NKAIN3: variants seen among roughly 807,000 people sequenced by gnomAD.
NKAIN3 encodes sodium/potassium transporting ATPase interacting 3, also known as sodium/potassium-transporting ATPase subunit beta-1-interacting protein 3.
A neutral mutation model predicts 30.2 loss-of-function variants in NKAIN3; 25 were observed. The ratio of observed to expected loss-of-function variants is 0.83; its 90% CI spans 0.60 to 1.16. NKAIN3 has a LOEUF of 1.16. NKAIN3 is among the 50% of genes most tolerant of loss of function. NKAIN3 has a pLI of 0.00. For synonymous variants in NKAIN3, 91 were observed against 89.6 expected, an observed-to-expected ratio of 1.02 and a Z score of -0.09; for missense variants, 225 against 254.1, an observed-to-expected ratio of 0.89 and a Z score of 0.78.
intron 1 of NKAIN3, among the ~76,000 whole-genome samples, chr8:62,373,576 C>T (rs1295077748): frequency 6.6e-6 from 1 of 152,118 alleles, no homozygotes; most frequent in Admixed American, 6.5e-5. Flanking sequence ...TTCAGATTTA[C>T]AGTTTAGGTC....
chr8:62,943,189 GA>G (rs923964658), intron 5 of NKAIN3, among the ~76,000 whole-genome samples: 3 of 151,580 alleles, frequency 2.0e-5, no homozygotes, highest in Admixed American at 6.6e-5. Flanking sequence ...TAATCCGCAG[GA>G]AAAAAACAAA....
At chr8:62,521,231 G>A (rs1181998142) in intron 1 of NKAIN3, among the ~76,000 whole-genome samples, 2 of 151,976 alleles carry the variant, frequency 1.3e-5, no homozygotes, top group Non-Finnish European at 2.9e-5. Context: ...CTGCTGTGAC[G>A]CTCTGATTCT....
At chr8:62,469,683 C>T (rs983746847) in intron 1 of NKAIN3, among the ~76,000 whole-genome samples, 70 of 152,102 alleles carry the variant, frequency 4.6e-4, no homozygotes, top group Admixed American at 2.0e-4. Flanking sequence ...AGGCATGGTC[C>T]CTTCCATCCA....
chr8:62,416,161 G>A (rs1297900409), intron 1 of NKAIN3, among the ~76,000 whole-genome samples: 1 of 152,042 alleles, frequency 6.6e-6, no homozygotes, highest in East Asian at 1.9e-4. Flanking sequence ...AAAATTTGGG[G>A]GCTCATAAAG....
intron 3 of NKAIN3, among the ~76,000 whole-genome samples, chr8:62,711,202 T>C (rs778932692): frequency 1.3e-5 from 2 of 152,198 alleles, no homozygotes; most frequent in Non-Finnish European, 2.9e-5. Flanking sequence ...GATAACCTGA[T>C]GACAATGTGC....
At chr8:62,281,726 T>G (rs1813201674) in intron 1 of NKAIN3, among the ~76,000 whole-genome samples, 1 of 152,194 alleles carries the variant, frequency 6.6e-6, no homozygotes, top group Non-Finnish European at 1.5e-5. Context: ...TTATGGTGGT[T>G]GTTTAGATAT....
chr8:62,840,264 G>T (rs1344666561), intron 4 of NKAIN3, among the ~76,000 whole-genome samples: 1 of 151,668 alleles, frequency 6.6e-6, no homozygotes, highest in Non-Finnish European at 1.5e-5. Flanking sequence ...TTAGTGACCT[G>T]GTCATGTACT....
intron 1 of NKAIN3, among the ~76,000 whole-genome samples, chr8:62,386,635 T>G (rs1397617493): frequency 1.3e-5 from 2 of 152,196 alleles, no homozygotes; most frequent in African/African-American, 4.8e-5. Flanking sequence ...ATAAGGTTAT[T>G]AGGGATAAAG....
chr8:62,857,703 C>T (rs1586276203), intron 4 of NKAIN3, among the ~76,000 whole-genome samples: 1 of 152,102 alleles, frequency 6.6e-6, no homozygotes, highest in Non-Finnish European at 1.5e-5. Context: ...TATCATGTTC[C>T]TCTCTAAACT....
intron 3 of NKAIN3, among the ~76,000 whole-genome samples, chr8:62,647,520 G>C (rs1411898204): frequency 6.6e-6 from 1 of 152,102 alleles, no homozygotes; most frequent in Non-Finnish European, 1.5e-5. Context: ...AGGGATCTCC[G>C]ACCTTAACTA....
chr8:62,307,695 A>G (rs1935162300), intron 1 of NKAIN3, among the ~76,000 whole-genome samples: 1 of 150,780 alleles, frequency 6.6e-6, no homozygotes, highest in Non-Finnish European at 1.5e-5. Flanking sequence ...GTTTGTATCT[A>G]CAAAGTTATA....
At chr8:62,758,254 C>T (rs1300958483) in intron 4 of NKAIN3, among the ~76,000 whole-genome samples, 2 of 152,064 alleles carry the variant, frequency 1.3e-5, no homozygotes, top group Admixed American at 1.3e-4. Flanking sequence ...GGAAACACGA[C>T]AACTAAATAA....
intron 1 of NKAIN3, among the ~76,000 whole-genome samples, chr8:62,422,091 A>G (rs554441828): frequency 6.8e-4 from 104 of 152,300 alleles, no homozygotes; most frequent in Non-Finnish European, 3.8e-4. Flanking sequence ...TCATGCAGAA[A>G]ATAAACTAAA....
intron 1 of NKAIN3, among the ~76,000 whole-genome samples, chr8:62,409,685 GGTTTTTGTTT>G (rs1397604501): frequency 2.0e-5 from 3 of 151,216 alleles, no homozygotes; most frequent in African/African-American, 7.3e-5. Context: ...TTATCTTTAG[GGTTTTTGTTT>G]GTTTTTGTTG....
chr8:62,984,283 T>A lies in NKAIN3; in HGVS notation c.*18876T>A, dbSNP rs932257846. The A allele has an allele frequency of 6.6e-6, 1 of 152,322 alleles. No individual in the cohort carries two copies. The highest frequency in any genetic ancestry group is 2.4e-5 in the African/African-American group (1 of 41,562). 9.4% of individuals were successfully genotyped at this position (152,322 alleles called of 1,614,324 possible). On this transcript the variant is annotated 3_prime_UTR_variant, in exon 7 of 7. Coordinates refer to ENST00000623646, the MANE Select transcript of NKAIN3 (RefSeq NM_001304533.3). ...GAAGTACCTAGGGCATTTCATTATATTTCAAAGGCACAGGTTGCTGGTAAG... is the reference window on the plus strand; with the variant it reads ...GAAGTACCTAGGGCATTTCATTATAATTCAAAGGCACAGGTTGCTGGTAAG...
At chr8:62,562,580 T>A (rs827700) in intron 1 of NKAIN3, among the ~76,000 whole-genome samples, 131,646 of 151,984 alleles carry the variant, frequency 0.87, 57,084 homozygotes, top group Admixed American at 0.9. Context: ...CTGCTACGTA[T>A]TTAATTTAGG....
intron 1 of NKAIN3, among the ~76,000 whole-genome samples, chr8:62,315,519 A>C (rs1205348118): frequency 6.6e-6 from 1 of 152,198 alleles, no homozygotes; most frequent in Non-Finnish European, 1.5e-5. Context: ...GGAAGTTGAA[A>C]TGAGAGGGTA....
chr8:62,881,844 T>C (rs1820993990), intron 4 of NKAIN3, among the ~76,000 whole-genome samples: 1 of 152,202 alleles, frequency 6.6e-6, no homozygotes, highest in Non-Finnish European at 1.5e-5. Flanking sequence ...CCATTTTGTA[T>C]TCCCACCAGG....
intron 1 of NKAIN3, among the ~76,000 whole-genome samples, chr8:62,304,466 G>T (rs1814158221): frequency 6.7e-6 from 1 of 150,288 alleles, no homozygotes; most frequent in Non-Finnish European, 1.5e-5. Context: ...TAGACATTTT[G>T]GGGGAATAAT....
Sources: gnomAD v4.1 joint callset for allele counts (sites outside exome capture counted in the v4.1 genomes callset) on GRCh38, gnomAD v4.1.1 for gene constraint, MANE v1.5 for transcripts, NCBI Gene and HGNC (gene_info 2026-07-23, HGNC 2026-07-21) for gene names.